The following TMEFF2 variants were observed in gnomAD, a reference collection of about 807,000 sequenced individuals.
The protein encoded by TMEFF2 is transmembrane protein with EGF like and two follistatin like domains 2, also known as tomoregulin-2.
In TMEFF2, 28 loss-of-function variants were observed where a neutral mutation model predicts 53.8. The ratio of observed to expected loss-of-function variants is 0.52; its 90% confidence interval spans 0.39 to 0.71. The LOEUF (loss-of-function observed/expected upper bound fraction) is 0.71. Ranked by LOEUF, TMEFF2 falls within the 30% of genes least tolerant of loss-of-function variation. The pLI, the probability that TMEFF2 is intolerant of heterozygous loss-of-function variation, is 0.00. For missense variants in TMEFF2, 353 were observed against 455.2 expected (o/e 0.78, Z 2.04); for synonymous variants, 162 against 166.3 (o/e 0.97, Z 0.20).
chr2:192,008,979 A>C (rs1686565213), intron 5 of TMEFF2, among the ~76,000 whole-genome samples: 1 of 152,258 alleles, frequency 6.6e-6, no homozygotes, highest in African/African-American at 2.4e-5. Flanking sequence ...AACAACAGAC[A>C]AATTACAGCT....
At chr2:191,967,677 T>C (rs1017864465) in intron 7 of TMEFF2, among the ~76,000 whole-genome samples, 160 of 152,268 alleles carry the variant, frequency 1.1e-3, no homozygotes, top group Non-Finnish European at 7.2e-4. Flanking sequence ...TATCTGATGC[T>C]AGGCTTTCCT....
chr2:192,024,948 G>T (rs1686937256), intron 5 of TMEFF2, among the ~76,000 whole-genome samples: 1 of 152,134 alleles, frequency 6.6e-6, no homozygotes, highest in Admixed American at 6.6e-5. Context: ...TGGCTGGTTG[G>T]CCAGGAGAAA....
At chr2:191,953,941 G>C (rs1038700180) in intron 8 of TMEFF2, 104 bp from the exon 9 acceptor site, 12 of 1,004,034 alleles carry the variant, frequency 1.2e-5, no homozygotes, top group African/African-American at 1.8e-5. Context: ...CCAGGCTGGA[G>C]TGCAGTGGCG....
At chr2:192,054,706 A>T (rs2105900113) in intron 5 of TMEFF2, among the ~76,000 whole-genome samples, 1 of 152,318 alleles carries the variant, frequency 6.6e-6, no homozygotes, top group East Asian at 1.9e-4. Context: ...TTGTCTAGAC[A>T]TGACAGCAAA....
At chr2:191,992,300 C>G (rs7420862) in intron 7 of TMEFF2, among the ~76,000 whole-genome samples, 1 of 151,902 alleles carries the variant, frequency 6.6e-6, no homozygotes, top group African/African-American at 2.4e-5. Context: ...CTTGTGTTCA[C>G]GAGCAAATGG....
At chr2:192,118,071 A>C (rs1689459669) in intron 4 of TMEFF2, among the ~76,000 whole-genome samples, 1 of 150,550 alleles carries the variant, frequency 6.6e-6, no homozygotes, top group Non-Finnish European at 1.5e-5. Context: ...AAAAAAAAAT[A>C]GATTTGGAAT....
Position 192,136,579 on chromosome 2 carries a change from T to C in TMEFF2, c.439+43089A>G, listed in dbSNP as rs1314697037. ...TATTACCAAGAGGAGGAAAGAAATA[T>C]TGAAGACCTTTATGACCAAAACATA... On this transcript the variant is annotated intron_variant, in intron 4 of 9. Transcript: ENST00000272771. Among the ~76,000 whole-genome samples, 5 of 152,342 alleles carry C rather than the reference T, an allele frequency of 3.3e-5. No homozygotes were observed. In the East Asian group the frequency reaches 9.6e-4, roughly 29 times the overall value.
chr2:192,113,363 AT>A (rs963955866), intron 4 of TMEFF2, among the ~76,000 whole-genome samples: 9 of 152,250 alleles, frequency 5.9e-5, no homozygotes, highest in African/African-American at 2.2e-4. Flanking sequence ...AAGGTAAATT[AT>A]TTTTTATATA....
intron 5 of TMEFF2, among the ~76,000 whole-genome samples, chr2:192,040,980 G>A (rs1687463086): frequency 6.6e-6 from 1 of 152,042 alleles, no homozygotes. Flanking sequence ...CCACAAAATG[G>A]ATCACAGACC....
At chr2:192,085,720 A>C (rs1255485461) in intron 4 of TMEFF2, among the ~76,000 whole-genome samples, 1 of 151,966 alleles carries the variant, frequency 6.6e-6, no homozygotes, top group East Asian at 1.9e-4. Context: ...AAAAAAAAAA[A>C]AACCACAAAA....
At chr2:192,029,755 C>T (rs761011563) in intron 5 of TMEFF2, among the ~76,000 whole-genome samples, 11 of 152,044 alleles carry the variant, frequency 7.2e-5, no homozygotes, top group Admixed American at 1.3e-4. Flanking sequence ...TTGTATTTAT[C>T]GATGGATTTA....
intron 4 of TMEFF2, among the ~76,000 whole-genome samples, chr2:192,097,866 C>T (rs1304410606): frequency 2.0e-5 from 3 of 152,076 alleles, no homozygotes; most frequent in East Asian, 1.9e-4. Flanking sequence ...AGGCACAATA[C>T]GTATAATATC....
At chr2:192,130,306 CCT>C (rs1330441932) in intron 4 of TMEFF2, among the ~76,000 whole-genome samples, 1 of 152,108 alleles carries the variant, frequency 6.6e-6, no homozygotes, top group Non-Finnish European at 1.5e-5. Context: ...TCCTCTGTCT[CCT>C]CTTTCTTCTA....
intron 5 of TMEFF2, among the ~76,000 whole-genome samples, chr2:192,013,440 A>T (rs1045456312): frequency 6.6e-6 from 1 of 150,818 alleles, no homozygotes; most frequent in African/African-American, 2.4e-5. Flanking sequence ...TCTCTGAATC[A>T]TGGTATATTA....
At chr2:191,953,603 C>A in intron 9 of TMEFF2, 76 bp downstream of exon 9, 1 of 1,538,976 alleles carries the variant, frequency 6.5e-7, no homozygotes, top group Non-Finnish European at 8.8e-7. Context: ...AGGAACTCAC[C>A]TCGGAGGGAT....
intron 4 of TMEFF2, among the ~76,000 whole-genome samples, chr2:192,082,313 G>A (rs937362591): frequency 1.3e-5 from 2 of 151,930 alleles, no homozygotes; most frequent in Non-Finnish European, 1.5e-5. Context: ...GCTCTTTCCC[G>A]CTAAGACCAC....
chr2:192,030,956 A>G (rs145341698), intron 5 of TMEFF2, among the ~76,000 whole-genome samples: 1 of 152,260 alleles, frequency 6.6e-6, no homozygotes, highest in East Asian at 1.9e-4. Flanking sequence ...ATTGGGACAT[A>G]CAGAGTCAAG....
chr2:192,064,166 A>G lies in TMEFF2; in HGVS notation c.440-6391T>C, dbSNP rs531799975. ...AGGTATATGTTTTACCTTATCTCCA[A>G]TAAATTTTTGGTGGGGAAGTAGTGT... On this transcript the variant is annotated intron_variant, in intron 4 of 9. Transcript: ENST00000272771. Among the ~76,000 whole-genome samples the G allele has an allele frequency of 9.2e-5, 14 of 151,876 alleles. No homozygotes were observed. The East Asian group carries it at 1.9e-3, about 21-fold the overall frequency.
intron 5 of TMEFF2, among the ~76,000 whole-genome samples, chr2:192,020,501 G>T (rs772732199): frequency 5.3e-5 from 8 of 151,926 alleles, no homozygotes; most frequent in Non-Finnish European, 1.2e-4. Flanking sequence ...AGTATAAATT[G>T]CAATCCAGAT....
Sources: allele counts gnomAD v4.1 joint callset (sites outside exome capture counted in the v4.1 genomes callset), GRCh38; gene constraint gnomAD v4.1.1; transcripts MANE v1.5; gene names NCBI Gene and HGNC (gene_info 2026-07-23, HGNC 2026-07-21).